Variants in PTPRD observed in about 807,000 individuals in gnomAD.
The protein encoded by PTPRD is receptor-type tyrosine-protein phosphatase delta.
A neutral mutation model predicts 214.5 loss-of-function variants in PTPRD; 34 were observed. The ratio of observed to expected loss-of-function variants is 0.16; its 90% CI spans 0.12 to 0.21. The LOEUF (loss-of-function observed/expected upper bound fraction) is 0.21, where lower values mean the gene tolerates loss of function less well. Ranked by LOEUF, PTPRD falls within the 10% of genes least tolerant of loss-of-function variation. The probability of loss-of-function intolerance (pLI) is 1.00; values close to 1 mark genes in which losing one functional copy is unlikely to be tolerated. For missense variants in PTPRD, 2,545 were observed against 2,398.7 expected (o/e 1.06, Z -1.27); for synonymous variants, 1,128 against 845.7 (o/e 1.33, Z -5.79).
intron 8 of PTPRD, among the ~76,000 whole-genome samples, chr9:9,428,490 T>C (rs1472152962): frequency 6.6e-6 from 1 of 152,076 alleles, no homozygotes; most frequent in Non-Finnish European, 1.5e-5. Context: ...ATTAGACAGA[T>C]CAATGAGACA....
intron 7 of PTPRD, among the ~76,000 whole-genome samples, chr9:9,651,269 T>C (rs1297998423): frequency 6.6e-6 from 1 of 152,202 alleles, no homozygotes; most frequent in Admixed American, 6.5e-5. Flanking sequence ...AGTTCAAGGA[T>C]ACAAGTGCAG....
intron 10 of PTPRD, among the ~76,000 whole-genome samples, chr9:9,149,527 G>A (rs973672834): frequency 6.6e-6 from 1 of 152,084 alleles, no homozygotes; most frequent in Non-Finnish European, 1.5e-5. Flanking sequence ...CGCATGCATG[G>A]TGACTCCACA....
At chr9:9,149,796 G>T (rs1485213129) in intron 10 of PTPRD, among the ~76,000 whole-genome samples, 1 of 152,316 alleles carries the variant, frequency 6.6e-6, no homozygotes, top group Non-Finnish European at 1.5e-5. Context: ...ACAGGCATTT[G>T]GATGCTGGCA....
In PTPRD at chr9:10,091,653, T is replaced by C. The variant is rs75021666; in HGVS notation, c.-544-57863A>G. Reference sequence around the variant, plus strand: ...CGACAGGAAATGTTTCCCCAAATAATACATTTTTAGAATCTTGATTTGGAC... The same window carrying C: ...CGACAGGAAATGTTTCCCCAAATAACACATTTTTAGAATCTTGATTTGGAC... On this transcript the variant is annotated intron_variant, in intron 3 of 45. Transcript: ENST00000381196. Among the ~76,000 whole-genome samples, 203 of 151,610 alleles carry C rather than the reference T, an allele frequency of 1.3e-3. 6 individuals are homozygous for C. The East Asian group carries it at 0.038, about 28-fold the overall frequency.
At chr9:9,181,428 T>C (rs1336069840) in intron 10 of PTPRD, among the ~76,000 whole-genome samples, 2 of 151,914 alleles carry the variant, frequency 1.3e-5, no homozygotes, top group African/African-American at 4.8e-5. Flanking sequence ...TGTTTCCATT[T>C]TCAAACCTGC....
intron 10 of PTPRD, among the ~76,000 whole-genome samples, chr9:9,032,007 ACTC>A (rs1721972725): frequency 1.4e-5 from 2 of 144,570 alleles, no homozygotes; most frequent in South Asian, 4.5e-4. Flanking sequence ...TTTTATTTGA[ACTC>A]CTGTAATCTT....
At chr9:9,308,980 T>G (rs1958020566) in intron 9 of PTPRD, among the ~76,000 whole-genome samples, 1 of 152,106 alleles carries the variant, frequency 6.6e-6, no homozygotes, top group Admixed American at 6.6e-5. Context: ...TATTTAAATC[T>G]CATTAATAGC....
rs373891989 is a variant in PTPRD at position 9,865,804 on chromosome 9, T to C, written c.-368+72703A>G. ...ATAACATGTGATAACAAAAGTAACA[T>C]TCCATTTTAGCCGATTAAAGATAAT... On this transcript the variant is annotated intron_variant, in intron 5 of 45. Coordinates refer to ENST00000381196, the MANE Select transcript of PTPRD (RefSeq NM_002839.4). Among the ~76,000 whole-genome samples the C allele has an allele frequency of 1.2e-4, 19 of 152,340 alleles. No homozygotes were observed. In the South Asian group the frequency reaches 3.5e-3, roughly 28 times the overall value.
intron 8 of PTPRD, among the ~76,000 whole-genome samples, chr9:9,447,969 C>T (rs1359380536): frequency 4.6e-5 from 7 of 152,014 alleles, no homozygotes; most frequent in Admixed American, 3.9e-4. Flanking sequence ...ACAGACTGCA[C>T]TAGCTTTCAT....
At chr9:8,377,633 G>C (rs2083647273) in intron 37 of PTPRD, among the ~76,000 whole-genome samples, 1 of 151,860 alleles carries the variant, frequency 6.6e-6, no homozygotes, top group South Asian at 2.1e-4. Flanking sequence ...TAATTCTTAA[G>C]AGAACCCAAC....
chr9:9,421,422 G>T (rs957972525), intron 8 of PTPRD, among the ~76,000 whole-genome samples: 15 of 152,022 alleles, frequency 9.9e-5, no homozygotes, highest in African/African-American at 3.4e-4. Flanking sequence ...GACTAAGACT[G>T]ACTAAACCAT....
chr9:10,237,159 T>A (rs1235209257), intron 3 of PTPRD, among the ~76,000 whole-genome samples: 1 of 151,730 alleles, frequency 6.6e-6, no homozygotes, highest in Non-Finnish European at 1.5e-5. Flanking sequence ...TGATAATGGG[T>A]GAGGCTATGC....
At chr9:8,401,432 G>T (rs567223911) in intron 36 of PTPRD, among the ~76,000 whole-genome samples, 4 of 151,968 alleles carry the variant, frequency 2.6e-5, no homozygotes, top group Non-Finnish European at 5.9e-5. Context: ...AACATAGAGG[G>T]GATGCCAATG....
chr9:9,035,503 C>T lies in PTPRD; in HGVS notation c.-142-16768G>A, dbSNP rs192714635. On this transcript the variant is annotated intron_variant, in intron 10 of 45. Transcript: ENST00000381196. ...AAGGCAGGAGCCTAACATCAGCTTG[C>T]GCCATGCTCCAAGTTATAAACCTCC... 1.3e-3 allele frequency among the ~76,000 whole-genome samples: 194 copies of T among 152,112 alleles called. 3 individuals carry two copies. Among genetic ancestry groups the T allele is most frequent in the Non-Finnish European group, 1.2e-3 (80 of 67,966 alleles).
At chr9:8,321,487 GTATATATA>G (rs750825729) in intron 44 of PTPRD, among the ~76,000 whole-genome samples, 1,585 of 44,462 alleles carry the variant, frequency 0.036, 42 homozygotes, top group Middle Eastern at 0.15. Context: ...GTGTGTGTGT[GTATATATA>G]TATATATATA....
intron 2 of PTPRD, among the ~76,000 whole-genome samples, chr9:10,414,866 T>G (rs2154513457): frequency 6.6e-6 from 1 of 151,850 alleles, no homozygotes; most frequent in East Asian, 2.0e-4. Flanking sequence ...ATGTTCTCAG[T>G]TATAAGAATG....
intron 5 of PTPRD, among the ~76,000 whole-genome samples, chr9:9,931,189 A>T (rs1192233479): frequency 6.6e-6 from 1 of 152,208 alleles, no homozygotes; most frequent in Non-Finnish European, 1.5e-5. Flanking sequence ...CAAGTTAAAA[A>T]TAAAAAAAAG....
chr9:8,534,494 T>A (rs2076446747), intron 14 of PTPRD, among the ~76,000 whole-genome samples: 1 of 151,854 alleles, frequency 6.6e-6, no homozygotes, highest in Non-Finnish European at 1.5e-5. Flanking sequence ...TCATATACTC[T>A]CACAGAACAA....
rs370493281 is a variant in PTPRD, at chr9:8,560,171, G to T, written c.353-31392C>A. 5.3e-5 allele frequency among the ~76,000 whole-genome samples: 8 copies of T among 151,758 alleles called. No homozygotes were observed. In the East Asian group the frequency reaches 7.7e-4, roughly 15 times the overall value. ...AAAAGTAATCATTCTGCTTTTTGTG[G>T]GTTTATTATAATTTGAACAATGTTT... On this transcript the variant is annotated intron_variant, in intron 14 of 45. Coordinates refer to ENST00000381196, the MANE Select transcript of PTPRD (RefSeq NM_002839.4).
Sources: allele counts gnomAD v4.1 joint callset (sites outside exome capture counted in the v4.1 genomes callset), GRCh38; gene constraint gnomAD v4.1.1; transcripts MANE v1.5; gene names NCBI Gene and HGNC (gene_info 2026-07-23, HGNC 2026-07-21).